The following RYR2 variants were observed in gnomAD, a reference collection of about 807,000 sequenced individuals.
RYR2 encodes cardiac muscle ryanodine receptor-calcium release channel.
A neutral mutation model predicts 601.1 loss-of-function variants in RYR2; 227 were observed. The observed-to-expected ratio is 0.38, with a 90% confidence interval of 0.34 to 0.42. The LOEUF is 0.42. Among genes scored for constraint, RYR2 ranks in the 10% least tolerant of loss-of-function variants. RYR2 has a pLI of 1.00. For synonymous variants in RYR2, 2,223 were observed against 2,175.1 expected (o/e 1.02, Z -0.61); for missense variants, 4,646 against 6,156.5 (o/e 0.75, Z 8.21).
intron 13 of RYR2, among the ~76,000 whole-genome samples, chr1:237,444,245 ACTTAAT>A (rs1231361929): frequency 1.3e-5 from 2 of 152,114 alleles, no homozygotes; most frequent in African/African-American, 4.8e-5. Context: ...TAGTAATTTC[ACTTAAT>A]CTTCATTAGT....
chr1:237,582,494 G>A (rs1352507136), intron 29 of RYR2, among the ~76,000 whole-genome samples: 1 of 151,730 alleles, frequency 6.6e-6, no homozygotes, highest in East Asian at 1.9e-4. Flanking sequence ...TGGGTATATA[G>A]TGTTATGCTG....
intron 1 of RYR2, among the ~76,000 whole-genome samples, chr1:237,249,179 A>G (rs1687212830): frequency 6.6e-6 from 1 of 152,118 alleles, no homozygotes; most frequent in Non-Finnish European, 1.5e-5. Context: ...TTTGATGAGA[A>G]CCTTTAGAAG....
chr1:237,187,131 T>A (rs1044318167), intron 1 of RYR2, among the ~76,000 whole-genome samples: 5 of 151,980 alleles, frequency 3.3e-5, no homozygotes, highest in Non-Finnish European at 7.4e-5. Flanking sequence ...AAATTCAGAT[T>A]AGCCTTGTAG....
rs371383631 is a variant in RYR2 at position 237,674,090 on chromosome 1, T to G, written c.8591-6T>G. 6.2e-7 allele frequency: 1 copy of G among 1,610,106 alleles called. No individual in the cohort carries two copies. The highest frequency in any genetic ancestry group is 8.5e-7 in the Non-Finnish European group (1 of 1,176,832). ...ATGCTGTGTTCTTGTCCTGACATAC[T>G]CTTAGGAGGAGGAAACCATCCTCTG... On this transcript the variant is annotated splice_polypyrimidine_tract_variant and splice_region_variant and intron_variant, in intron 58 of 104. Coordinates refer to ENST00000366574, the MANE Select transcript of RYR2 (RefSeq NM_001035.3).
chr1:237,412,846 A>G (rs1704583066), intron 10 of RYR2, among the ~76,000 whole-genome samples: 1 of 152,112 alleles, frequency 6.6e-6, no homozygotes, highest in South Asian at 2.1e-4. Flanking sequence ...CTCTGAGTAT[A>G]ATCGTTTATT....
intron 98 of RYR2, among the ~76,000 whole-genome samples, chr1:237,804,188 A>G (rs1445932716): frequency 1.3e-5 from 2 of 151,900 alleles, no homozygotes; most frequent in Admixed American, 1.3e-4. Flanking sequence ...GGGGTACACA[A>G]ATGTCCTTGA....
chr1:237,695,149 G>T (rs1374445536), intron 63 of RYR2, among the ~76,000 whole-genome samples: 3 of 151,926 alleles, frequency 2.0e-5, no homozygotes, highest in East Asian at 3.9e-4. Flanking sequence ...AAAACAATTT[G>T]GGATTAATAT....
intron 2 of RYR2, among the ~76,000 whole-genome samples, chr1:237,290,756 T>G (rs2149418443): frequency 6.6e-6 from 1 of 152,292 alleles, no homozygotes; most frequent in South Asian, 2.1e-4. Context: ...GATAAAATTT[T>G]ACTATCAAAA....
In RYR2 at chr1:237,749,433, CTAT is replaced by C. The variant is rs3036582; in HGVS notation, c.11146-6834_11146-6832del. On this transcript the variant is annotated intron_variant, in intron 80 of 104. Transcript: ENST00000366574. ...TCACATAACCATCTCTAAATATTTG[CTAT>C]TATTATTATTATTATTATTAATCAA... is the stretch of plus-strand genomic sequence containing the variant. 9.9e-4 allele frequency among the ~76,000 whole-genome samples: 148 copies of C among 150,156 alleles called. 1 individual carries two copies. The Middle Eastern group carries it at 0.014, about 14-fold the overall frequency.
intron 1 of RYR2, among the ~76,000 whole-genome samples, chr1:237,118,524 A>G (rs865797752): frequency 1.3e-5 from 2 of 152,068 alleles, no homozygotes; most frequent in Non-Finnish European, 2.9e-5. Flanking sequence ...AGTCAAGTGC[A>G]CAGAGACAAC....
intron 22 of RYR2, among the ~76,000 whole-genome samples, chr1:237,503,900 G>A (rs1365210593): frequency 6.6e-6 from 1 of 152,112 alleles, no homozygotes; most frequent in Non-Finnish European, 1.5e-5. Context: ...TAGAGATGGG[G>A]TTTCATCACG....
In RYR2 at chr1:237,187,443, C is replaced by CTTTTTTTTTTTT. The variant is rs10686110; in HGVS notation, c.49-83046_49-83035dup. On this transcript the variant is annotated intron_variant, in intron 1 of 104. Transcript: ENST00000366574. ...GGCGTGAGCCAACACGCCCGGCCGACTTTTTTTTTTTTTTTTTTTGAGACA... is the reference window on the plus strand; with the variant it reads ...GGCGTGAGCCAACACGCCCGGCCGACTTTTTTTTTTTTTTTTTTTTTTTTTTTTTTTGAGACA... Among the ~76,000 whole-genome samples, 3 of 86,786 alleles carry CTTTTTTTTTTTT rather than the reference C, an allele frequency of 3.5e-5. 1 individual carries two copies. Among genetic ancestry groups the CTTTTTTTTTTTT allele is most frequent in the Non-Finnish European group, 6.3e-5 (3 of 47,500 alleles). 56.9% of individuals were successfully genotyped at this position (86,786 alleles called of 152,430 possible). A position where few individuals can be genotyped will look rare whatever the true frequency, so the allele number is the denominator to read the frequency against.
intron 10 of RYR2, among the ~76,000 whole-genome samples, chr1:237,415,142 GAGT>G (rs1031796317): frequency 3.9e-5 from 6 of 152,170 alleles, no homozygotes; most frequent in Non-Finnish European, 8.8e-5. Flanking sequence ...TGCTGCTGTG[GAGT>G]AACTTACTTA....
intron 84 of RYR2, among the ~76,000 whole-genome samples, chr1:237,761,629 C>T (rs1693442947): frequency 6.6e-6 from 1 of 152,154 alleles, no homozygotes; most frequent in South Asian, 2.1e-4. Flanking sequence ...TAAATAGATG[C>T]TGGTATAAAC....
chr1:237,178,185 C>T (rs1489029815), intron 1 of RYR2, among the ~76,000 whole-genome samples: 1 of 152,018 alleles, frequency 6.6e-6, no homozygotes, highest in East Asian at 1.9e-4. Context: ...TCTGGAAATG[C>T]TTCTCATTTG....
intron 66 of RYR2, among the ~76,000 whole-genome samples, chr1:237,702,365 A>T (rs1296594624): frequency 2.6e-5 from 4 of 152,138 alleles, no homozygotes; most frequent in African/African-American, 9.7e-5. Context: ...ATATATCAGA[A>T]ATTCAAAGTA....
chr1:237,629,547 A>C (rs1680034898), intron 41 of RYR2, among the ~76,000 whole-genome samples: 1 of 152,130 alleles, frequency 6.6e-6, no homozygotes, highest in Non-Finnish European at 1.5e-5. Context: ...AGCAGAAAAA[A>C]AAGCTGATGT....
At chr1:237,605,573 C>G (rs577207994) in intron 35 of RYR2, among the ~76,000 whole-genome samples, 29 of 152,254 alleles carry the variant, frequency 1.9e-4, no homozygotes, top group African/African-American at 7.0e-4. Context: ...CCAGAGCAAT[C>G]AGGCAAGGAA....
At chr1:237,494,570 T>G (rs1181767376) in intron 19 of RYR2, among the ~76,000 whole-genome samples, 1 of 152,088 alleles carries the variant, frequency 6.6e-6, no homozygotes, top group Non-Finnish European at 1.5e-5. Flanking sequence ...CCAGGAACAA[T>G]ACTTTGCATC....
Sources: allele counts gnomAD v4.1 joint callset (sites outside exome capture counted in the v4.1 genomes callset), GRCh38; gene constraint gnomAD v4.1.1; transcripts MANE v1.5; gene names NCBI Gene and HGNC (gene_info 2026-07-23, HGNC 2026-07-21).